Variants in TPST1 observed in about 807,000 individuals in gnomAD.
TPST1 encodes protein-tyrosine sulfotransferase 1.
A neutral mutation model predicts 34.8 loss-of-function variants in TPST1; 20 were observed. That is an observed-to-expected ratio of 0.57 (90% CI 0.40 to 0.84). TPST1 has a LOEUF of 0.84. Among genes scored for constraint, TPST1 ranks in the 40% least tolerant of loss-of-function variants. The probability of loss-of-function intolerance (pLI) is 0.00; values close to 1 mark genes in which losing one functional copy is unlikely to be tolerated. For synonymous variants in TPST1, 152 were observed against 159.4 expected (o/e 0.95, Z 0.35); for missense variants, 353 against 455.5 (o/e 0.78, Z 2.05).
intron 2 of TPST1, among the ~76,000 whole-genome samples, chr7:66,264,900 A>T (rs1388065369): frequency 2.6e-5 from 4 of 152,044 alleles, no homozygotes; most frequent in African/African-American, 7.3e-5. Flanking sequence ...TATCTTAAAC[A>T]AAACAAAACA....
intron 2 of TPST1, among the ~76,000 whole-genome samples, chr7:66,250,138 A>G (rs1790233472): frequency 6.6e-6 from 1 of 152,178 alleles, no homozygotes; most frequent in African/African-American, 2.4e-5. Flanking sequence ...TCTACTGAAC[A>G]TTTGTTATGT....
chr7:66,317,505 T>C (rs1791657834), intron 3 of TPST1, among the ~76,000 whole-genome samples: 1 of 152,216 alleles, frequency 6.6e-6, no homozygotes. Flanking sequence ...AAAACTATTT[T>C]GTTTGATACT....
intron 3 of TPST1, among the ~76,000 whole-genome samples, chr7:66,324,800 CAAA>C (rs56389964): frequency 1.1e-3 from 124 of 109,256 alleles, no homozygotes; most frequent in Non-Finnish European, 1.7e-3. Context: ...GACTCTGTCT[CAAA>C]AAAAAAAAAA....
intron 2 of TPST1, among the ~76,000 whole-genome samples, chr7:66,268,547 T>A (rs1057070204): frequency 7.2e-5 from 11 of 151,970 alleles, no homozygotes; most frequent in Admixed American, 2.0e-4. Flanking sequence ...AAAGCTGAAA[T>A]TAATAAAATA....
chr7:66,356,832 A>C lies in TPST1; in HGVS notation c.1103A>C (p.Gln368Pro), dbSNP rs2116408465. 3 of 1,614,200 alleles carry C rather than the reference A, an allele frequency of 1.9e-6. No homozygotes were observed. In the East Asian group the frequency reaches 6.7e-5, roughly 36 times the overall value. Residue 368 changes from glutamine (Q) to proline (P), a missense_variant, in exon 5 of 6, where the codon CAA becomes CCA. Gln to Pro is a moderately conservative substitution (Grantham distance 76). Transcript: ENST00000304842. ...DFLKEKPQTE[Q>P]VE ...TTTTCTTTCCTTCAACAGACTGAGC[A>C]AGTGGAGTAGCAGAACCAGGAGCCT...
chr7:66,325,015 A>G (rs1791835541), intron 3 of TPST1, among the ~76,000 whole-genome samples: 1 of 152,188 alleles, frequency 6.6e-6, no homozygotes, highest in Non-Finnish European at 1.5e-5. Flanking sequence ...TCATACTGCT[A>G]TAAAGAACTG....
chr7:66,293,290 C>A (rs949544312), intron 3 of TPST1, among the ~76,000 whole-genome samples: 1 of 151,820 alleles, frequency 6.6e-6, no homozygotes, highest in East Asian at 1.9e-4. Flanking sequence ...GCGAGTGAGC[C>A]CAGGATTTCA....
At chr7:66,294,886 T>C (rs1791161296) in intron 3 of TPST1, among the ~76,000 whole-genome samples, 2 of 152,180 alleles carry the variant, frequency 1.3e-5, no homozygotes, top group African/African-American at 4.8e-5. Flanking sequence ...CATTTTCCCA[T>C]TGTGTGCATG....
At chr7:66,304,417 G>A (rs1160720181) in intron 3 of TPST1, among the ~76,000 whole-genome samples, 1 of 152,134 alleles carries the variant, frequency 6.6e-6, no homozygotes, top group East Asian at 1.9e-4. Context: ...TAAAAATAAT[G>A]GCTTCTACTT....
At chr7:66,242,503 T>G (rs953824089) in intron 2 of TPST1, among the ~76,000 whole-genome samples, 24 of 152,296 alleles carry the variant, frequency 1.6e-4, no homozygotes, top group Non-Finnish European at 2.9e-4. Context: ...CAATTATTGA[T>G]TATAAGTTAT....
Position 66,358,327 on chromosome 7 carries a change from GT to G in TPST1, c.*29+1468del, listed in dbSNP as rs199803598. On this transcript the variant is annotated intron_variant, in intron 5 of 5. Transcript: ENST00000304842. ...TCTCATAGTTTACTTGCTGACCTTT[GT>G]TTTTTTTTTTTATATAATGTTTTTA... 7.0e-3 allele frequency among the ~76,000 whole-genome samples: 969 copies of G among 138,986 alleles called. 6 individuals carry two copies. Among genetic ancestry groups the G allele is most frequent in the African/African-American group, 0.02 (745 of 37,872 alleles). The allele number at this position is 138,986 out of a possible 152,430, so 91.2% of individuals were successfully genotyped here.
intron 2 of TPST1, among the ~76,000 whole-genome samples, chr7:66,251,565 C>T (rs1361254667): frequency 6.6e-6 from 1 of 152,132 alleles, no homozygotes; most frequent in Non-Finnish European, 1.5e-5. Context: ...AAATGTTTGT[C>T]TCAATGAAGC....
intron 2 of TPST1, among the ~76,000 whole-genome samples, chr7:66,274,918 G>A (rs1053069108): frequency 6.6e-6 from 1 of 152,162 alleles, no homozygotes; most frequent in Non-Finnish European, 1.5e-5. Flanking sequence ...AGATAGGCCA[G>A]GTGCAGTGGC....
At chr7:66,273,091 A>G (rs1224363427) in intron 2 of TPST1, among the ~76,000 whole-genome samples, 3 of 152,224 alleles carry the variant, frequency 2.0e-5, no homozygotes, top group Non-Finnish European at 4.4e-5. Context: ...AAATTTCAAG[A>G]TACAAAGTCA....
chr7:66,326,437 G>A (rs1562845817), intron 3 of TPST1, among the ~76,000 whole-genome samples: 1 of 152,186 alleles, frequency 6.6e-6, no homozygotes. Context: ...GGAAATTGAT[G>A]AAATTACTGT....
intron 2 of TPST1, among the ~76,000 whole-genome samples, chr7:66,273,205 T>C (rs563355259): frequency 6.0e-4 from 92 of 152,256 alleles, no homozygotes; most frequent in African/African-American, 2.1e-3. Flanking sequence ...AAAAGACTTA[T>C]GAATAAATTT....
intron 3 of TPST1, among the ~76,000 whole-genome samples, chr7:66,305,911 A>G (rs1791413145): frequency 6.6e-6 from 1 of 152,246 alleles, no homozygotes. Context: ...GTATTTTCTT[A>G]GAGTCCTTCT....
chr7:66,201,774 G>T (rs1789037966), upstream of TPST1, among the ~76,000 whole-genome samples: 1 of 150,988 alleles, frequency 6.6e-6, no homozygotes, highest in Non-Finnish European at 1.5e-5. Context: ...GATCACTTGA[G>T]CCCAGGCGTT....
chr7:66,256,125 C>T (rs1790378131), intron 2 of TPST1, among the ~76,000 whole-genome samples: 1 of 152,040 alleles, frequency 6.6e-6, no homozygotes. Context: ...TTTATTTTTT[C>T]CCAGAACAGA....
Sources: allele counts gnomAD v4.1 joint callset (sites outside exome capture counted in the v4.1 genomes callset), GRCh38; gene constraint gnomAD v4.1.1; transcripts MANE v1.5; gene names NCBI Gene and HGNC (gene_info 2026-07-23, HGNC 2026-07-21).